The following ZDHHC21 variants were observed in gnomAD, a reference collection of about 807,000 sequenced individuals.
ZDHHC21 encodes the protein palmitoyltransferase ZDHHC21.
ZDHHC21 carries 15 observed loss-of-function variants against 34.6 expected under a neutral mutation model. The ratio of observed to expected loss-of-function variants is 0.43; its 90% confidence interval spans 0.29 to 0.67. ZDHHC21 has a LOEUF of 0.67. Among genes scored for constraint, ZDHHC21 ranks in the 30% least tolerant of loss-of-function variants. The probability of loss-of-function intolerance (pLI) is 0.14; values close to 1 mark genes in which losing one functional copy is unlikely to be tolerated. For missense variants in ZDHHC21, 344 were observed against 327.7 expected, an observed-to-expected ratio of 1.05 and a Z score of -0.38; for synonymous variants, 142 against 101.8, an observed-to-expected ratio of 1.40 and a Z score of -2.38.
intron 2 of ZDHHC21, among the ~76,000 whole-genome samples, 172 bp from the exon 3 acceptor site, chr9:14,680,334 T>C (rs1837150507): frequency 6.6e-6 from 1 of 152,146 alleles, no homozygotes; most frequent in African/African-American, 2.4e-5. Flanking sequence ...CCCTCAGAAT[T>C]TGCATTTGAT....
chr9:14,636,157 T>G (rs902884818), intron 8 of ZDHHC21, among the ~76,000 whole-genome samples: 3 of 152,062 alleles, frequency 2.0e-5, no homozygotes, highest in Non-Finnish European at 4.4e-5. Context: ...CACAACAATA[T>G]GCTGCCTACA....
intron 8 of ZDHHC21, among the ~76,000 whole-genome samples, chr9:14,626,964 A>T (rs1223930013): frequency 6.6e-6 from 1 of 152,068 alleles, no homozygotes; most frequent in Non-Finnish European, 1.5e-5. Flanking sequence ...TGCCTTACAG[A>T]GCTCCCTTTA....
chr9:14,638,132 G>C (rs1052388952), intron 8 of ZDHHC21, among the ~76,000 whole-genome samples: 1 of 151,992 alleles, frequency 6.6e-6, no homozygotes, highest in Non-Finnish European at 1.5e-5. Context: ...TATATTATGA[G>C]GCTACAGTAA....
At chr9:14,637,122 G>T (rs1828446934) in intron 8 of ZDHHC21, among the ~76,000 whole-genome samples, 1 of 151,956 alleles carries the variant, frequency 6.6e-6, no homozygotes, top group Non-Finnish European at 1.5e-5. Context: ...AAAAGTTGGT[G>T]TTTTGAAAAG....
chr9:14,596,142 T>C, the ZDHHC21 span, among the ~76,000 whole-genome samples: 10 of 152,256 alleles, frequency 6.6e-5, no homozygotes, highest in East Asian at 1.9e-4. Flanking sequence ...GTTTCATTTA[T>C]AGAACAAAAT....
intron 5 of ZDHHC21, among the ~76,000 whole-genome samples, chr9:14,670,166 C>T (rs1218388162): frequency 2.6e-4 from 40 of 152,148 alleles, no homozygotes; most frequent in Non-Finnish European, 2.5e-4. Flanking sequence ...AAAACATAAA[C>T]ACGGTGTATT....
intron 2 of ZDHHC21, among the ~76,000 whole-genome samples, chr9:14,688,511 T>A (rs1838692658): frequency 1.3e-5 from 2 of 150,578 alleles, no homozygotes; most frequent in South Asian, 4.1e-4. Flanking sequence ...TTGCTTGAGC[T>A]AAGGAGATCC....
In ZDHHC21 at chr9:14,664,822, G is replaced by GACATCCACACCGAAAACCCATCTGT. The variant is rs1281485953; in HGVS notation, c.254-2521_254-2497dup. Among the ~76,000 whole-genome samples the GACATCCACACCGAAAACCCATCTGT allele has an allele frequency of 3.3e-3, 499 of 150,718 alleles. 1 individual carries two copies. The highest frequency in any genetic ancestry group is 7.0e-3 in the Middle Eastern group (2 of 286). ...AGAAGGAAAACTAACAAACAGAAAG[G>GACATCCACACCGAAAACCCATCTGT]ACATCCACACCGAAAACCCATCTGT... On this transcript the variant is annotated intron_variant, in intron 5 of 9. Coordinates refer to ENST00000380916, the MANE Select transcript of ZDHHC21 (RefSeq NM_178566.6).
At chr9:14,676,458 C>T (rs1320732140) in intron 3 of ZDHHC21, among the ~76,000 whole-genome samples, 4 of 151,468 alleles carry the variant, frequency 2.6e-5, no homozygotes, top group Admixed American at 6.6e-5. Context: ...AAAGGAATAC[C>T]CCCAGTTTCT....
At chr9:14,645,396 A>G (rs922239086) in intron 7 of ZDHHC21, among the ~76,000 whole-genome samples, 2 of 152,128 alleles carry the variant, frequency 1.3e-5, no homozygotes, top group African/African-American at 4.8e-5. Context: ...TCAATTGACT[A>G]TTCATCTATG....
At chr9:14,646,718 G>C (rs1830334718) in intron 7 of ZDHHC21, among the ~76,000 whole-genome samples, 1 of 151,920 alleles carries the variant, frequency 6.6e-6, no homozygotes, top group African/African-American at 2.4e-5. Context: ...CTTTCTTCAG[G>C]TTTCTACTTA....
intron 7 of ZDHHC21, among the ~76,000 whole-genome samples, chr9:14,640,327 A>G (rs868465375): frequency 3.2e-4 from 47 of 147,830 alleles, no homozygotes; most frequent in African/African-American, 1.1e-3. Flanking sequence ...AAAAAAAAAG[A>G]AAGAAAGAAA....
chr9:14,613,785 G>C lies in ZDHHC21; in HGVS notation c.*5181C>G, dbSNP rs1183729483. On this transcript the variant is annotated 3_prime_UTR_variant, in exon 10 of 10. Coordinates refer to ENST00000380916, the MANE Select transcript of ZDHHC21 (RefSeq NM_178566.6). ...GGTGACAAAATTTTCTATACACTCA[G>C]TATCTTTTCTTTGCAATAAGAGATT... The C allele has an allele frequency of 6.6e-6, 1 of 151,664 alleles. No homozygotes were observed. Among genetic ancestry groups the C allele is most frequent in the Admixed American group, 6.6e-5 (1 of 15,182 alleles). The allele number at this position is 151,664 out of a possible 1,614,324, so 9.4% of individuals were successfully genotyped here.
Position 14,614,675 on chromosome 9 carries a change from G to A in ZDHHC21, c.*4291C>T, listed in dbSNP as rs1038589566. The A allele has an allele frequency of 2.6e-5, 4 of 151,606 alleles. No homozygotes were observed. Among genetic ancestry groups the A allele is most frequent in the African/African-American group, 9.7e-5 (4 of 41,372 alleles). 9.4% of individuals were successfully genotyped at this position (151,606 alleles called of 1,614,324 possible). ...TTCTAGAATAAAAGTTAACAAACTT[G>A]GGCATTAAATAACACATTCATTAAT... On this transcript the variant is annotated 3_prime_UTR_variant, in exon 10 of 10. Coordinates refer to ENST00000380916, the MANE Select transcript of ZDHHC21 (RefSeq NM_178566.6).
At chr9:14,652,205 T>A (rs1831352849) in intron 7 of ZDHHC21, among the ~76,000 whole-genome samples, 1 of 151,962 alleles carries the variant, frequency 6.6e-6, no homozygotes, top group South Asian at 2.1e-4. Context: ...GACATGCATT[T>A]TTTACACTGA....
At chr9:14,621,435 GC>G (rs984051359) in intron 8 of ZDHHC21, among the ~76,000 whole-genome samples, 7 of 151,922 alleles carry the variant, frequency 4.6e-5, no homozygotes. Flanking sequence ...TACAGAAAAA[GC>G]TTTTATTTTC....
chr9:14,640,078 T>C, intron 7 of ZDHHC21, 66 bp from the exon 8 acceptor site: 2 of 820,974 alleles, frequency 2.4e-6, no homozygotes, highest in Non-Finnish European at 3.9e-6. Flanking sequence ...GTCGCAATAA[T>C]AATCAAGAAT....
At chr9:14,602,658 T>C in the ZDHHC21 span, among the ~76,000 whole-genome samples, 4 of 152,058 alleles carry the variant, frequency 2.6e-5, no homozygotes, top group Non-Finnish European at 5.9e-5. Context: ...AGAAAATTTA[T>C]AGGTCAGAAA....
At chr9:14,646,049 A>G (rs1830231024) in intron 7 of ZDHHC21, among the ~76,000 whole-genome samples, 1 of 152,314 alleles carries the variant, frequency 6.6e-6, no homozygotes, top group South Asian at 2.1e-4. Flanking sequence ...ACTTCTCGCT[A>G]TACATCTAAG....
Sources: allele counts gnomAD v4.1 joint callset (sites outside exome capture counted in the v4.1 genomes callset), GRCh38; gene constraint gnomAD v4.1.1; transcripts MANE v1.5; gene names NCBI Gene and HGNC (gene_info 2026-07-23, HGNC 2026-07-21).